MED12L: variants seen among roughly 807,000 people sequenced by gnomAD.
MED12L encodes the protein mediator of RNA polymerase II transcription subunit 12-like protein.
Under a neutral mutation model 281.3 loss-of-function variants are expected in MED12L, and 60 were observed. The ratio of observed to expected loss-of-function variants is 0.21; its 90% CI spans 0.17 to 0.26. The LOEUF (loss-of-function observed/expected upper bound fraction) is 0.26, where lower values mean the gene tolerates loss of function less well. Among genes scored for constraint, MED12L ranks in the 10% least tolerant of loss-of-function variants. The pLI is 1.00. For missense variants in MED12L, 2,146 were observed against 2,680.9 expected, an observed-to-expected ratio of 0.80 and a Z score of 4.41; for synonymous variants, 974 against 987.2, an observed-to-expected ratio of 0.99 and a Z score of 0.25.
intron 36 of MED12L, among the ~76,000 whole-genome samples, 175 bp downstream of exon 36, chr3:151,385,366 T>G (rs1713153868): frequency 6.6e-6 from 1 of 152,142 alleles, no homozygotes; most frequent in East Asian, 1.9e-4. Context: ...AGAGGTCATA[T>G]CTTTGAAGAT....
intron 5 of MED12L, among the ~76,000 whole-genome samples, chr3:151,151,611 T>G (rs1718527931): frequency 6.7e-6 from 1 of 148,400 alleles, no homozygotes. Context: ...AAGAGAGATA[T>G]GGGACAGAGA....
At chr3:151,375,942 T>G (rs1446013331) in intron 27 of MED12L, 84 bp from the exon 28 acceptor site, 1 of 630,566 alleles carries the variant, frequency 1.6e-6, no homozygotes, top group Non-Finnish European at 2.4e-6. Flanking sequence ...TTCTATTCAA[T>G]TATGCACTGT....
intron 3 of MED12L, among the ~76,000 whole-genome samples, chr3:151,118,159 T>A (rs543392587): frequency 5.9e-5 from 9 of 152,114 alleles, no homozygotes; most frequent in Admixed American, 3.3e-4. Flanking sequence ...TTAGGGTTTT[T>A]TTTATATATA....
intron 16 of MED12L, 56 bp downstream of exon 16, chr3:151,193,722 A>C: frequency 7.0e-7 from 1 of 1,419,480 alleles, no homozygotes; most frequent in Non-Finnish European, 9.8e-7. Context: ...AAGATCAATA[A>C]CTGTTGAACG....
intron 16 of MED12L, among the ~76,000 whole-genome samples, chr3:151,322,496 G>A (rs752847232): frequency 4.0e-5 from 6 of 151,810 alleles, no homozygotes; most frequent in Non-Finnish European, 5.9e-5. Flanking sequence ...TGCATCTGGC[G>A]CCCCATGGAA....
At chr3:151,112,203 C>A (rs953289772) in intron 2 of MED12L, among the ~76,000 whole-genome samples, 1 of 152,022 alleles carries the variant, frequency 6.6e-6, no homozygotes, top group Admixed American at 6.5e-5. Context: ...ATACAGCACA[C>A]CTGTATCAGT....
intron 16 of MED12L, among the ~76,000 whole-genome samples, chr3:151,285,418 G>A (rs1180022033): frequency 1.3e-5 from 2 of 152,122 alleles, no homozygotes; most frequent in Non-Finnish European, 2.9e-5. Flanking sequence ...AACCCAGGAG[G>A]CGGAGCTTGC....
At chr3:151,205,682 G>T (rs372964695) in intron 16 of MED12L, among the ~76,000 whole-genome samples, 2 of 152,078 alleles carry the variant, frequency 1.3e-5, no homozygotes, top group Non-Finnish European at 2.9e-5. Context: ...TACAGATGGG[G>T]AAACTGTGGT....
Position 151,304,260 on chromosome 3 carries a change from A to G in MED12L, c.2251-45799A>G, listed in dbSNP as rs143351822. 3.5e-3 allele frequency among the ~76,000 whole-genome samples: 539 copies of G among 152,252 alleles called. 4 individuals carry two copies. The highest frequency in any genetic ancestry group is 0.014 in the Middle Eastern group (4 of 294). On this transcript the variant is annotated intron_variant, in intron 16 of 44. Transcript: ENST00000687756. ...GGATTAATGGAGGGTTTTCTTAAGC[A>G]TATCATTCAATGTCTGGCATTTAAA...
intron 16 of MED12L, among the ~76,000 whole-genome samples, chr3:151,266,069 C>A (rs1739779612): frequency 6.6e-6 from 1 of 152,180 alleles, no homozygotes; most frequent in African/African-American, 2.4e-5. Context: ...TGCACAGGTG[C>A]CCTTGGCTTT....
chr3:151,177,602 A>G (rs1466955923), intron 11 of MED12L, among the ~76,000 whole-genome samples: 4 of 151,192 alleles, frequency 2.6e-5, no homozygotes, highest in African/African-American at 9.7e-5. Context: ...CTCTCTTCCC[A>G]TCTCAGCCTC....
At chr3:151,133,895 T>C (rs908916900) in intron 5 of MED12L, among the ~76,000 whole-genome samples, 2 of 152,250 alleles carry the variant, frequency 1.3e-5, no homozygotes, top group Admixed American at 6.5e-5. Context: ...AATATGACTT[T>C]ATAGTAAATA....
intron 23 of MED12L, 102 bp downstream of exon 23, chr3:151,366,093 A>G: frequency 9.9e-7 from 1 of 1,005,062 alleles, no homozygotes; most frequent in Non-Finnish European, 1.4e-6. Context: ...TTCAACTGAA[A>G]TGTTATAAAA....
chr3:151,223,491 T>C (rs1729836637), intron 16 of MED12L, among the ~76,000 whole-genome samples: 1 of 152,204 alleles, frequency 6.6e-6, no homozygotes, highest in African/African-American at 2.4e-5. Context: ...ACATATACAC[T>C]GTGGAATACT....
intron 11 of MED12L, among the ~76,000 whole-genome samples, chr3:151,175,901 A>T (rs1411533789): frequency 1.3e-5 from 2 of 152,190 alleles, no homozygotes; most frequent in Non-Finnish European, 2.9e-5. Flanking sequence ...CACTGTAGAT[A>T]TGCCCCAAGT....
At chr3:151,143,277 C>G (rs544222226) in intron 5 of MED12L, among the ~76,000 whole-genome samples, 1 of 152,270 alleles carries the variant, frequency 6.6e-6, no homozygotes, top group Non-Finnish European at 1.5e-5. Flanking sequence ...TCTTAGCTGT[C>G]TAAAGCTTGT....
At position 151,350,223 on chromosome 3, in the gene MED12L, C is replaced by T; in HGVS notation, c.2398+17C>T. ...AGACAGGGGGTAAAGAACCTTAATG[C>T]ATTTGCTCCCATTGTGTTGCCTTTT... On this transcript the variant is annotated intron_variant, in intron 17 of 44. Transcript: ENST00000687756. 6.2e-7 allele frequency: 1 copy of T among 1,610,148 alleles called. No homozygotes were observed. Among genetic ancestry groups the T allele is most frequent in the Non-Finnish European group, 8.5e-7 (1 of 1,177,806 alleles).
At chr3:151,428,350 G>C (rs1284228918) in intron 43 of MED12L, among the ~76,000 whole-genome samples, 1 of 152,206 alleles carries the variant, frequency 6.6e-6, no homozygotes, top group South Asian at 2.1e-4. Flanking sequence ...ATGAAAGATT[G>C]ATTTTTATTT....
At chr3:151,394,498 A>T (rs1435630363) in intron 38 of MED12L, among the ~76,000 whole-genome samples, 158 bp from the exon 39 acceptor site, 1 of 152,258 alleles carries the variant, frequency 6.6e-6, no homozygotes, top group African/African-American at 2.4e-5. Context: ...TATGCAACTC[A>T]ACAGGTCTAT....
Sources: gnomAD v4.1 joint callset for allele counts (sites outside exome capture counted in the v4.1 genomes callset) on GRCh38, gnomAD v4.1.1 for gene constraint, MANE v1.5 for transcripts, NCBI Gene and HGNC (gene_info 2026-07-23, HGNC 2026-07-21) for gene names.